Variants in JAKMIP2 observed in about 807,000 individuals in gnomAD.
The protein encoded by JAKMIP2 is janus kinase and microtubule-interacting protein 2.
Under a neutral mutation model 115.0 loss-of-function variants are expected in JAKMIP2, and 25 were observed. That is an observed-to-expected ratio of 0.22 (90% CI 0.16 to 0.30). The LOEUF (loss-of-function observed/expected upper bound fraction) is 0.30. JAKMIP2 is among the 10% of genes least tolerant of loss of function. The probability of loss-of-function intolerance (pLI) is 1.00; values close to 1 mark genes in which losing one functional copy is unlikely to be tolerated. For synonymous variants in JAKMIP2, 334 were observed against 343.6 expected (o/e 0.97, Z 0.31); for missense variants, 642 against 957.6 (o/e 0.67, Z 4.35).
intron 1 of JAKMIP2, among the ~76,000 whole-genome samples, chr5:147,678,550 C>T (rs1760094779): frequency 1.3e-5 from 2 of 152,116 alleles, no homozygotes; most frequent in African/African-American, 2.4e-5. Flanking sequence ...AGGTTGATTT[C>T]ATATCTTGGT....
intron 5 of JAKMIP2, 110 bp downstream of exon 5, chr5:147,648,260 GTATCTT>G (rs1758224574): frequency 1.7e-6 from 1 of 601,792 alleles, no homozygotes; most frequent in South Asian, 2.4e-5. Flanking sequence ...CTATTGAATG[GTATCTT>G]TATTATTTGT....
rs767784242 is a variant in JAKMIP2, at chr5:147,650,351, T to A, written c.824A>T (p.His275Leu). ...IPGRAGDGSE[H>L]CSSPDLRRNQ... Reference sequence around the variant, plus strand: ...GAATGGACTTACAGGACTGCTGCAGTGTTCGGAACCATCACCTGCCCTTCC... The same window carrying A: ...GAATGGACTTACAGGACTGCTGCAGAGTTCGGAACCATCACCTGCCCTTCC... Residue 275 changes from histidine (H) to leucine (L), a missense_variant, in exon 4 of 22, where the codon CAC becomes CTC. His to Leu is a moderately conservative substitution (Grantham distance 99). Transcript: ENST00000616793. 14 of 1,607,564 alleles carry A rather than the reference T, an allele frequency of 8.7e-6. No individual in the cohort carries two copies. Among genetic ancestry groups the A allele is most frequent in the Admixed American group, 3.3e-5 (2 of 59,962 alleles).
In JAKMIP2 at chr5:147,617,914, A is replaced by G. The variant is rs781699265; in HGVS notation, c.2343T>C (p.His781=). The change falls in exon 19 of 22, where the codon CAT becomes CAC. Residue 781 remains histidine (H), a synonymous_variant. Coordinates refer to ENST00000616793, the MANE Select transcript of JAKMIP2 (RefSeq NM_001270941.2). The part of the protein sequence containing the change: ...QERMELLQQA[H]QRIRDLEDKT... ...GAGGCAGTGACTCAGTCCTCACCTGATGGGCTTGCTGTAAGAGCTCCATTC... is the reference window on the plus strand; with the variant it reads ...GAGGCAGTGACTCAGTCCTCACCTGGTGGGCTTGCTGTAAGAGCTCCATTC... The G allele has an allele frequency of 1.3e-5, 21 of 1,613,956 alleles. No individual in the cohort carries two copies. Among genetic ancestry groups the G allele is most frequent in the Non-Finnish European group, 1.7e-5 (20 of 1,179,866 alleles).
intron 20 of JAKMIP2, among the ~76,000 whole-genome samples, chr5:147,605,049 C>T (rs189603459): frequency 6.6e-6 from 1 of 151,802 alleles, no homozygotes; most frequent in Admixed American, 6.6e-5. Flanking sequence ...TTGTTCAACT[C>T]CCACTTATGA....
chr5:147,642,962 G>C (rs1305008747), intron 7 of JAKMIP2, among the ~76,000 whole-genome samples: 1 of 151,990 alleles, frequency 6.6e-6, no homozygotes, highest in Non-Finnish European at 1.5e-5. Context: ...GAGTCTCCCA[G>C]CCTACATCTT....
At chr5:147,737,278 G>T (rs1479763695) in intron 1 of JAKMIP2, among the ~76,000 whole-genome samples, 1 of 152,162 alleles carries the variant, frequency 6.6e-6, no homozygotes, top group African/African-American at 2.4e-5. Context: ...TATAAATCAA[G>T]ACTATAAATA....
Position 147,662,161 on chromosome 5 carries a change from T to TACAC in JAKMIP2, c.130-720_130-717dup, listed in dbSNP as rs61492351. Among the ~76,000 whole-genome samples the TACAC allele has an allele frequency of 3.1e-3, 454 of 147,110 alleles. 5 individuals are homozygous for TACAC. The highest frequency in any genetic ancestry group is 7.2e-3 in the African/African-American group (284 of 39,604). ...GCAGGTTAGTTTCATCCCCAAGTTT[T>TACAC]ACACACACACACACACACACACACA... On this transcript the variant is annotated intron_variant, in intron 2 of 21. Coordinates refer to ENST00000616793, the MANE Select transcript of JAKMIP2 (RefSeq NM_001270941.2).
At chr5:147,777,348 G>A (rs571843489) in intron 1 of JAKMIP2, among the ~76,000 whole-genome samples, 10 of 152,224 alleles carry the variant, frequency 6.6e-5, no homozygotes, top group South Asian at 4.1e-4. Flanking sequence ...AAATGCATGC[G>A]GAAATTTAAA....
intron 1 of JAKMIP2, among the ~76,000 whole-genome samples, chr5:147,773,918 G>A (rs1755459715): frequency 6.6e-6 from 1 of 152,054 alleles, no homozygotes; most frequent in Non-Finnish European, 1.5e-5. Context: ...AATTGATTGG[G>A]GGAAGGCATT....
rs183100052 is a variant in JAKMIP2, at chr5:147,624,027, G to T, written c.1996-338C>A. Reference sequence around the variant, plus strand: ...TTTTTGTATTTTTAGTAGAGACGGGGTTTCACCATCTTGGCCAGGCTGGTC... The same window carrying T: ...TTTTTGTATTTTTAGTAGAGACGGGTTTTCACCATCTTGGCCAGGCTGGTC... On this transcript the variant is annotated intron_variant, in intron 16 of 21. Transcript: ENST00000616793. 6.0e-3 allele frequency among the ~76,000 whole-genome samples: 907 copies of T among 151,926 alleles called. 14 individuals carry two copies. The highest frequency in any genetic ancestry group is 0.021 in the African/African-American group (873 of 41,400).
At chr5:147,729,663 A>G (rs1379786230) in intron 1 of JAKMIP2, among the ~76,000 whole-genome samples, 2 of 151,370 alleles carry the variant, frequency 1.3e-5, no homozygotes, top group Admixed American at 6.6e-5. Context: ...AGTCCCAGCT[A>G]CTCGGGAGGC....
rs1239428227 is a variant in JAKMIP2, at chr5:147,587,188, G to C, written c.*4519C>G. 2.0e-5 allele frequency: 3 copies of C among 152,004 alleles called. No individual in the cohort carries two copies. Among genetic ancestry groups the C allele is most frequent in the Non-Finnish European group, 4.4e-5 (3 of 68,006 alleles). 9.4% of individuals were successfully genotyped at this position (152,004 alleles called of 1,614,324 possible). On this transcript the variant is annotated 3_prime_UTR_variant, in exon 22 of 22. Coordinates refer to ENST00000616793, the MANE Select transcript of JAKMIP2 (RefSeq NM_001270941.2). ...TTAAAGAGGGGCTTGGGTCCATATT[G>C]GAAGCATAAACTCATGACATAAACA...
At chr5:147,607,491 T>A (rs563012977) in intron 20 of JAKMIP2, among the ~76,000 whole-genome samples, 1 of 152,352 alleles carries the variant, frequency 6.6e-6, no homozygotes, top group African/African-American at 2.4e-5. Flanking sequence ...GATTTATGTA[T>A]GTTGAACCAG....
chr5:147,697,563 A>G (rs1310196984), intron 1 of JAKMIP2, among the ~76,000 whole-genome samples: 1 of 152,228 alleles, frequency 6.6e-6, no homozygotes, highest in Admixed American at 6.5e-5. Flanking sequence ...ATGGTTACAT[A>G]GGTTGGGTCT....
intron 3 of JAKMIP2, among the ~76,000 whole-genome samples, chr5:147,657,733 A>G (rs1477903116): frequency 6.6e-6 from 1 of 151,610 alleles, no homozygotes; most frequent in East Asian, 2.0e-4. Flanking sequence ...TCTTGTCTGC[A>G]TGCCTTATTT....
At chr5:147,600,188 T>C (rs1430893046) in intron 21 of JAKMIP2, among the ~76,000 whole-genome samples, 1 of 150,016 alleles carries the variant, frequency 6.7e-6, no homozygotes, top group African/African-American at 2.5e-5. Flanking sequence ...CCACTTCAAT[T>C]TGGATATTCC....
At chr5:147,621,127 G>A (rs900412854) in intron 17 of JAKMIP2, among the ~76,000 whole-genome samples, 1 of 152,142 alleles carries the variant, frequency 6.6e-6, no homozygotes, top group Admixed American at 6.5e-5. Flanking sequence ...TAATCAACAA[G>A]TTTAACTGAT....
intron 1 of JAKMIP2, among the ~76,000 whole-genome samples, chr5:147,702,666 G>GAAAGAA (rs1561547759): frequency 2.0e-5 from 2 of 98,592 alleles, no homozygotes; most frequent in African/African-American, 1.0e-4. Context: ...GAAAGAAAGA[G>GAAAGAA]AGAGAAAGAA....
At chr5:147,760,074 C>T (rs1754879295) in intron 1 of JAKMIP2, among the ~76,000 whole-genome samples, 1 of 152,014 alleles carries the variant, frequency 6.6e-6, no homozygotes, top group African/African-American at 2.4e-5. Context: ...GGCTTTAAAA[C>T]CTAATGCCAT....
Sources: allele counts gnomAD v4.1 joint callset (sites outside exome capture counted in the v4.1 genomes callset), GRCh38; gene constraint gnomAD v4.1.1; transcripts MANE v1.5; gene names NCBI Gene and HGNC (gene_info 2026-07-23, HGNC 2026-07-21).